The following JAZF1 variants were observed in gnomAD, a reference collection of about 807,000 sequenced individuals.
JAZF1 encodes the protein juxtaposed with another zinc finger protein 1.
JAZF1 carries 8 observed loss-of-function variants against 26.4 expected under a neutral mutation model. The observed-to-expected ratio is 0.30, with a 90% CI of 0.18 to 0.55. JAZF1 has a LOEUF of 0.55. Ranked by LOEUF, JAZF1 falls within the 20% of genes least tolerant of loss-of-function variation. The probability of loss-of-function intolerance (pLI) is 0.94; values close to 1 mark genes in which losing one functional copy is unlikely to be tolerated. For missense variants in JAZF1, 199 were observed against 322.0 expected, an observed-to-expected ratio of 0.62 and a Z score of 2.92; for synonymous variants, 126 against 122.3, an observed-to-expected ratio of 1.03 and a Z score of -0.20.
At chr7:28,161,485 T>G (rs1783288132) in intron 1 of JAZF1, among the ~76,000 whole-genome samples, 1 of 152,192 alleles carries the variant, frequency 6.6e-6, no homozygotes, top group Non-Finnish European at 1.5e-5. Context: ...TCTTGCACTC[T>G]ACGTTACCAG....
chr7:27,868,458 G>A (rs937338578), intron 3 of JAZF1, among the ~76,000 whole-genome samples: 2 of 152,162 alleles, frequency 1.3e-5, no homozygotes, highest in South Asian at 2.1e-4. Context: ...GCCGCCTCAC[G>A]GGGGTTTCTC....
At chr7:28,022,622 A>C (rs1016694865) in intron 1 of JAZF1, among the ~76,000 whole-genome samples, 2 of 152,274 alleles carry the variant, frequency 1.3e-5, no homozygotes, top group African/African-American at 4.8e-5. Flanking sequence ...AACATAGTTC[A>C]GGCTGTGCAT....
At chr7:28,095,209 GTTGGGCCT>G (rs1784363942) in intron 1 of JAZF1, among the ~76,000 whole-genome samples, 1 of 152,094 alleles carries the variant, frequency 6.6e-6, no homozygotes, top group Admixed American at 6.5e-5. Flanking sequence ...TGTTCACTCT[GTTGGGCCT>G]CCTAGGCAAG....
At chr7:28,169,363 A>G (rs553097616) in intron 1 of JAZF1, among the ~76,000 whole-genome samples, 11 of 152,326 alleles carry the variant, frequency 7.2e-5, no homozygotes, top group African/African-American at 2.6e-4. Context: ...CACATCATCA[A>G]CCACTTTGAG....
At chr7:27,890,935 G>C (rs1183137646) in intron 3 of JAZF1, among the ~76,000 whole-genome samples, 1 of 151,952 alleles carries the variant, frequency 6.6e-6, no homozygotes, top group African/African-American at 2.4e-5. Flanking sequence ...GATTACAGGC[G>C]TGAGCCACCA....
intron 4 of JAZF1, among the ~76,000 whole-genome samples, chr7:27,839,185 G>T (rs1384765297): frequency 6.6e-6 from 1 of 152,120 alleles, no homozygotes; most frequent in Non-Finnish European, 1.5e-5. Flanking sequence ...TTGTTTTTTG[G>T]CGGGTCAGCC....
intron 3 of JAZF1, among the ~76,000 whole-genome samples, chr7:27,858,100 A>G (rs1338685003): frequency 6.6e-6 from 1 of 152,184 alleles, no homozygotes; most frequent in East Asian, 1.9e-4. Flanking sequence ...CTATACACCA[A>G]TAATAGACAA....
chr7:27,931,936 A>T (rs1003030255), intron 2 of JAZF1, among the ~76,000 whole-genome samples: 21 of 152,104 alleles, frequency 1.4e-4, no homozygotes, highest in South Asian at 4.1e-4. Context: ...AATAAAAAAT[A>T]AAAAAATTAA....
chr7:28,016,349 G>T (rs1048046349), intron 1 of JAZF1, among the ~76,000 whole-genome samples: 3 of 152,214 alleles, frequency 2.0e-5, no homozygotes, highest in African/African-American at 7.2e-5. Context: ...AGAGGAAAGA[G>T]AGCTAAGAGG....
At chr7:27,981,134 A>C (rs1785575822) in intron 2 of JAZF1, among the ~76,000 whole-genome samples, 1 of 152,204 alleles carries the variant, frequency 6.6e-6, no homozygotes, top group Admixed American at 6.5e-5. Context: ...GATCCACTAT[A>C]CATGTCTACT....
intron 4 of JAZF1, among the ~76,000 whole-genome samples, chr7:27,838,162 C>G (rs1782853638): frequency 6.6e-6 from 1 of 152,122 alleles, no homozygotes; most frequent in Non-Finnish European, 1.5e-5. Context: ...GGTGTCTTGT[C>G]TCCTGTGTGT....
At chr7:28,066,375 AG>A (rs1783882649) in intron 1 of JAZF1, among the ~76,000 whole-genome samples, 1 of 152,068 alleles carries the variant, frequency 6.6e-6, no homozygotes, top group African/African-American at 2.4e-5. Flanking sequence ...AGGCTGAGGC[AG>A]GGGGATCACA....
At chr7:27,918,447 T>C (rs1784478806) in intron 2 of JAZF1, among the ~76,000 whole-genome samples, 1 of 152,212 alleles carries the variant, frequency 6.6e-6, no homozygotes. Flanking sequence ...ATCACCTCAC[T>C]GACTATATCA....
intron 1 of JAZF1, among the ~76,000 whole-genome samples, chr7:28,155,801 A>G (rs1013123258): frequency 2.6e-5 from 4 of 152,234 alleles, no homozygotes; most frequent in Non-Finnish European, 4.4e-5. Flanking sequence ...GCACGCGCAC[A>G]TGGGAAGTAT....
intron 2 of JAZF1, among the ~76,000 whole-genome samples, chr7:27,921,231 G>T (rs1482603086): frequency 6.6e-6 from 1 of 152,196 alleles, no homozygotes; most frequent in East Asian, 1.9e-4. Context: ...CAAGGAAAAG[G>T]GCTTTGCCCA....
intron 3 of JAZF1, among the ~76,000 whole-genome samples, chr7:27,892,607 C>A (rs1254943187): frequency 6.6e-6 from 1 of 152,170 alleles, no homozygotes; most frequent in African/African-American, 2.4e-5. Flanking sequence ...GAATAAGTAT[C>A]ATAGCAATAC....
chr7:27,965,592 A>G (rs1785259401), intron 2 of JAZF1, among the ~76,000 whole-genome samples: 1 of 152,214 alleles, frequency 6.6e-6, no homozygotes, highest in Non-Finnish European at 1.5e-5. Context: ...TTTGGAATAC[A>G]TTTGAGCATA....
At chr7:27,898,212 G>C (rs1277429683) in intron 2 of JAZF1, among the ~76,000 whole-genome samples, 1 of 150,924 alleles carries the variant, frequency 6.6e-6, no homozygotes, top group Non-Finnish European at 1.5e-5. Flanking sequence ...AACCCAGAGG[G>C]TGCATATCCA....
At chr7:27,848,237 C>T (rs1285887706) in intron 3 of JAZF1, among the ~76,000 whole-genome samples, 3 of 152,168 alleles carry the variant, frequency 2.0e-5, no homozygotes, top group Admixed American at 2.0e-4. Context: ...CAATTTCCTT[C>T]ATCAATGTTT....
Sources: allele counts gnomAD v4.1 joint callset (sites outside exome capture counted in the v4.1 genomes callset), GRCh38; gene constraint gnomAD v4.1.1; transcripts MANE v1.5; gene names NCBI Gene and HGNC (gene_info 2026-07-23, HGNC 2026-07-21).